STX8: variants seen among roughly 807,000 people sequenced by gnomAD.
STX8 encodes the protein syntaxin 8.
Under a neutral mutation model 37.5 loss-of-function variants are expected in STX8, and 23 were observed. That is an observed-to-expected ratio of 0.61 (90% confidence interval 0.44 to 0.87). The LOEUF (loss-of-function observed/expected upper bound fraction) is 0.87, where lower values mean the gene tolerates loss of function less well. Among genes scored for constraint, STX8 ranks in the 40% least tolerant of loss-of-function variants. The pLI, the probability that STX8 is intolerant of heterozygous loss-of-function variation, is 0.00. For synonymous variants in STX8, 115 were observed against 99.1 expected (o/e 1.16, Z -0.95); for missense variants, 313 against 284.7 (o/e 1.10, Z -0.71).
intron 7 of STX8, among the ~76,000 whole-genome samples, chr17:9,348,003 G>T (rs945554323): frequency 6.6e-6 from 1 of 152,102 alleles, no homozygotes; most frequent in Non-Finnish European, 1.5e-5. Context: ...ATATTCCATT[G>T]TATGGTGTGT....
intron 6 of STX8, among the ~76,000 whole-genome samples, chr17:9,476,468 T>G (rs994785619): frequency 6.6e-5 from 10 of 151,932 alleles, no homozygotes; most frequent in Admixed American, 6.6e-4. Flanking sequence ...TTCTTTTTTT[T>G]TTGAGATAGA....
chr17:9,362,911 A>G (rs969084047), intron 7 of STX8, among the ~76,000 whole-genome samples: 1 of 148,208 alleles, frequency 6.7e-6, no homozygotes, highest in Non-Finnish European at 1.5e-5. Context: ...TATATGTTTG[A>G]AAAAAAAATT....
At chr17:9,372,994 CTCAGGAGGCTGAG>C (rs1311394511) in intron 7 of STX8, among the ~76,000 whole-genome samples, 1 of 150,754 alleles carries the variant, frequency 6.6e-6, no homozygotes, top group Non-Finnish European at 1.5e-5. Flanking sequence ...ATCCCAGCTA[CTCAGGAGGCTGAG>C]GCAGGAGAAT....
At chr17:9,492,177 T>TCTGATA (rs1225317136) in intron 5 of STX8, among the ~76,000 whole-genome samples, 20 of 152,170 alleles carry the variant, frequency 1.3e-4, no homozygotes, top group Non-Finnish European at 2.9e-4. Context: ...ATTTAAACTT[T>TCTGATA]CTGATACTTA....
chr17:9,404,267 G>A (rs1286104314), intron 6 of STX8, among the ~76,000 whole-genome samples: 1 of 152,088 alleles, frequency 6.6e-6, no homozygotes, highest in Non-Finnish European at 1.5e-5. Flanking sequence ...AGTGAAGAAG[G>A]TAGAAGGGGA....
At chr17:9,406,515 T>C (rs541595138) in intron 6 of STX8, among the ~76,000 whole-genome samples, 2 of 152,342 alleles carry the variant, frequency 1.3e-5, no homozygotes, top group East Asian at 3.9e-4. Context: ...GTTCATTTTG[T>C]GCAGCATGAT....
chr17:9,338,429 C>T (rs1351721844), intron 7 of STX8, among the ~76,000 whole-genome samples: 1 of 152,172 alleles, frequency 6.6e-6, no homozygotes, highest in Non-Finnish European at 1.5e-5. Flanking sequence ...GCTCATTCCA[C>T]TCCTGAGTAA....
chr17:9,489,052 T>C (rs1906735341), intron 6 of STX8, among the ~76,000 whole-genome samples: 1 of 152,150 alleles, frequency 6.6e-6, no homozygotes, highest in Non-Finnish European at 1.5e-5. Context: ...AATTTTTGTA[T>C]GTTTAGTACA....
At chr17:9,314,951 C>G (rs1242418202) in intron 7 of STX8, among the ~76,000 whole-genome samples, 1 of 150,852 alleles carries the variant, frequency 6.6e-6, no homozygotes, top group South Asian at 2.1e-4. Flanking sequence ...AAAATACGAA[C>G]ATTAGCCAGT....
At chr17:9,497,253 G>T (rs1904441469) in intron 5 of STX8, among the ~76,000 whole-genome samples, 1 of 152,158 alleles carries the variant, frequency 6.6e-6, no homozygotes. Flanking sequence ...TTTAGATCCT[G>T]AATTGAACTA....
At chr17:9,414,065 T>C (rs373992367) in intron 6 of STX8, among the ~76,000 whole-genome samples, 18 of 117,622 alleles carry the variant, frequency 1.5e-4, no homozygotes, top group Non-Finnish European at 2.0e-4. Context: ...TGTCCATCCA[T>C]CCATCCACCC....
chr17:9,419,704 C>T lies in STX8; in HGVS notation c.542-41051G>A, dbSNP rs75812026. Among the ~76,000 whole-genome samples the T allele has an allele frequency of 9.0e-3, 1,366 of 152,244 alleles. 20 individuals are homozygous for T. The highest frequency in any genetic ancestry group is 0.032 in the African/African-American group (1,323 of 41,546). ...CCTCAGGATGAGGCCCCAAACTTAA[C>T]CTCCACTGAGAAGACTGTGTTTCCT... On this transcript the variant is annotated intron_variant, in intron 6 of 7. Transcript: ENST00000306357.
intron 6 of STX8, among the ~76,000 whole-genome samples, chr17:9,441,164 A>T (rs1904633922): frequency 6.6e-6 from 1 of 152,162 alleles, no homozygotes; most frequent in Non-Finnish European, 1.5e-5. Context: ...AACATAATGC[A>T]AAAAGATTAA....
chr17:9,430,057 ATAATATATATATTC>A (rs1913885567), intron 6 of STX8, among the ~76,000 whole-genome samples: 1 of 61,160 alleles, frequency 1.6e-5, no homozygotes, highest in Non-Finnish European at 2.9e-5. Flanking sequence ...TATATTCTAT[ATAATATATATATTC>A]TATATAATAT....
At position 9,476,449 on chromosome 17, in the gene STX8, C is replaced by CT. The variant is rs539953464; in HGVS notation, c.541+15379dup. Among the ~76,000 whole-genome samples, 70 of 147,682 alleles carry CT rather than the reference C, an allele frequency of 4.7e-4. 1 individual carries two copies. The highest frequency in any genetic ancestry group is 2.6e-3 in the South Asian group (12 of 4,594). On this transcript the variant is annotated intron_variant, in intron 6 of 7. Coordinates refer to ENST00000306357, the MANE Select transcript of STX8 (RefSeq NM_004853.3). ...GTGAGCGGAAGTTGTTTCTTCTTTT[C>CT]TTTTTTTTTTCTTTTTTTTTTGAGA...
At chr17:9,480,421 G>A (rs1906280094) in intron 6 of STX8, among the ~76,000 whole-genome samples, 2 of 152,144 alleles carry the variant, frequency 1.3e-5, no homozygotes, top group Admixed American at 6.5e-5. Flanking sequence ...GGATAGCTAC[G>A]GAGCTAGTCA....
intron 7 of STX8, among the ~76,000 whole-genome samples, chr17:9,338,026 G>A (rs1246306018): frequency 6.6e-6 from 1 of 151,760 alleles, no homozygotes; most frequent in South Asian, 2.1e-4. Context: ...TTATTCTGAG[G>A]GCTTTGGGGC....
At chr17:9,510,359 A>T (rs1239897726) in intron 4 of STX8, among the ~76,000 whole-genome samples, 1 of 152,158 alleles carries the variant, frequency 6.6e-6, no homozygotes, top group African/African-American at 2.4e-5. Context: ...TAGAACATGG[A>T]CTGACCATAT....
intron 6 of STX8, among the ~76,000 whole-genome samples, chr17:9,416,374 A>ATTTTTTTTT (rs535117460): frequency 0.011 from 1,642 of 145,886 alleles, 31 homozygotes; most frequent in African/African-American, 0.039. Flanking sequence ...TTGTAGTTTA[A>ATTTTTTTTT]TTTTTTTTTT....
Sources: allele counts gnomAD v4.1 joint callset (sites outside exome capture counted in the v4.1 genomes callset), GRCh38; gene constraint gnomAD v4.1.1; transcripts MANE v1.5; gene names NCBI Gene and HGNC (gene_info 2026-07-23, HGNC 2026-07-21).